PTCHD4: variants seen among roughly 807,000 people sequenced by gnomAD.
The protein encoded by PTCHD4 is patched domain containing 4.
Under a neutral mutation model 58.1 loss-of-function variants are expected in PTCHD4, and 33 were observed. That is an observed-to-expected ratio of 0.57 (90% confidence interval 0.43 to 0.76). The LOEUF (loss-of-function observed/expected upper bound fraction) is 0.76, where lower values mean the gene tolerates loss of function less well. Among genes scored for constraint, PTCHD4 ranks in the 30% least tolerant of loss-of-function variants. The probability of loss-of-function intolerance (pLI) is 0.00; values close to 1 mark genes in which losing one functional copy is unlikely to be tolerated. For synonymous variants in PTCHD4, 478 were observed against 409.6 expected (o/e 1.17, Z -2.02); for missense variants, 1,058 against 1,027.1 (o/e 1.03, Z -0.41).
intron 3 of PTCHD4, among the ~76,000 whole-genome samples, chr6:48,042,776 G>C (rs1230115659): frequency 6.6e-6 from 1 of 151,858 alleles, no homozygotes; most frequent in Non-Finnish European, 1.5e-5. Context: ...CAAAACATTA[G>C]GCAGACATCT....
At chr6:47,982,599 C>T (rs1012644957) in intron 4 of PTCHD4, among the ~76,000 whole-genome samples, 1 of 151,882 alleles carries the variant, frequency 6.6e-6, no homozygotes, top group African/African-American at 2.4e-5. Flanking sequence ...CGCCATTCTC[C>T]TGCCTCAGCC....
intron 1 of PTCHD4, among the ~76,000 whole-genome samples, chr6:48,090,633 G>C (rs1211390756): frequency 1.3e-5 from 2 of 152,156 alleles, no homozygotes; most frequent in Non-Finnish European, 2.9e-5. Context: ...GAAAACCAGG[G>C]TATAAAGGGC....
intron 4 of PTCHD4, among the ~76,000 whole-genome samples, chr6:47,887,610 G>T (rs1764233249): frequency 6.6e-6 from 1 of 152,158 alleles, no homozygotes; most frequent in African/African-American, 2.4e-5. Flanking sequence ...AATGGAATAT[G>T]AAATGAAATT....
At chr6:48,107,376 G>T (rs1260708663) in intron 1 of PTCHD4, among the ~76,000 whole-genome samples, 1 of 152,210 alleles carries the variant, frequency 6.6e-6, no homozygotes, top group Non-Finnish European at 1.5e-5. Flanking sequence ...AATAAATGCT[G>T]CTGGGAAAAC....
At chr6:48,043,890 T>G (rs938355705) in intron 3 of PTCHD4, among the ~76,000 whole-genome samples, 6 of 151,466 alleles carry the variant, frequency 4.0e-5, no homozygotes, top group African/African-American at 1.5e-4. Context: ...AAGCAGAGAG[T>G]TTTCAGGTTT....
At chr6:48,055,270 C>T (rs750816701) in intron 3 of PTCHD4, among the ~76,000 whole-genome samples, 1 of 152,090 alleles carries the variant, frequency 6.6e-6, no homozygotes, top group Non-Finnish European at 1.5e-5. Flanking sequence ...AAAAGACATG[C>T]AACCTATGAT....
intron 4 of PTCHD4, among the ~76,000 whole-genome samples, chr6:47,896,434 C>T (rs1581842881): frequency 6.6e-6 from 1 of 152,320 alleles, no homozygotes; most frequent in South Asian, 2.1e-4. Context: ...TGCCACATTG[C>T]TGTTTTCCAT....
rs1177187153 is a variant in PTCHD4, at chr6:47,878,640, G to A, written c.2195C>T (p.Thr732Ile). The change falls in exon 5 of 5, where the codon ACA (threonine) becomes ATA (isoleucine). Residue 732 changes from threonine to isoleucine, a missense_variant. Thr to Ile is a moderately conservative substitution (Grantham distance 89, BLOSUM62 -1). Transcript: ENST00000339488. ...AIDHCAPLLF[T>I]FVLATEHTRT... is the part of the protein sequence containing the mutation. The stretch of plus-strand genomic sequence containing the variant: ...GGTGTGCTCAGTTGCTAATACAAAT[G>A]TGAAAAGCAGTGGTGCACAGTGGTC... The A allele has an allele frequency of 5.6e-6, 9 of 1,613,476 alleles. No individual in the cohort carries two copies. Among genetic ancestry groups the A allele is most frequent in the Non-Finnish European group, 7.6e-6 (9 of 1,179,762 alleles).
intron 1 of PTCHD4, among the ~76,000 whole-genome samples, chr6:48,090,499 G>A (rs1765343625): frequency 6.6e-6 from 1 of 152,120 alleles, no homozygotes; most frequent in African/African-American, 2.4e-5. Context: ...GAATCATAGA[G>A]GTTATTCTGT....
In PTCHD4 at chr6:47,871,241, A is replaced by T. The variant is rs188323675; in HGVS notation, c.*7062T>A. Among the ~76,000 whole-genome samples, 58 of 151,786 alleles carry T rather than the reference A, an allele frequency of 3.8e-4. 1 individual carries two copies. Among genetic ancestry groups the T allele is most frequent in the Non-Finnish European group, 8.9e-5 (6 of 67,706 alleles). On this transcript the variant is annotated 3_prime_UTR_variant, in exon 5 of 5. Coordinates refer to ENST00000339488, the MANE Select transcript of PTCHD4 (RefSeq NM_001384253.1). ...TGTGTTTTAAAAACCCCGATTTAGC[A>T]GAAAATAATAGCAATGCCTTCCAGA...
At chr6:47,883,865 G>A (rs1398676982) in intron 4 of PTCHD4, among the ~76,000 whole-genome samples, 1 of 152,024 alleles carries the variant, frequency 6.6e-6, no homozygotes, top group Non-Finnish European at 1.5e-5. Context: ...AAAATTATTG[G>A]TTTAGTCAAA....
Position 47,874,967 on chromosome 6 carries a change from T to C in PTCHD4, c.*3336A>G, listed in dbSNP as rs1310210051. Among the ~76,000 whole-genome samples, 1 of 151,840 alleles carries C rather than the reference T, an allele frequency of 6.6e-6. No individual in the cohort carries two copies. Among genetic ancestry groups the C allele is most frequent in the Admixed American group, 6.6e-5 (1 of 15,204 alleles). On this transcript the variant is annotated 3_prime_UTR_variant, in exon 5 of 5. Transcript: ENST00000339488. ...CTCTGTAATTTAGGTGAGTACCTCT[T>C]TGAAGTTTATTAACATCAAAGAGAG... is the stretch of plus-strand genomic sequence containing the variant.
chr6:47,982,297 TC>T (rs553416903), intron 4 of PTCHD4, among the ~76,000 whole-genome samples: 141 of 152,210 alleles, frequency 9.3e-4, no homozygotes, highest in African/African-American at 3.3e-3. Flanking sequence ...AAGTCCCATC[TC>T]CCTTTGGATT....
chr6:47,930,446 T>A (rs949526096), intron 4 of PTCHD4, among the ~76,000 whole-genome samples: 5 of 152,222 alleles, frequency 3.3e-5, no homozygotes, highest in Admixed American at 6.5e-5. Flanking sequence ...AGGTTTCTTG[T>A]AGCAAAACCT....
In PTCHD4 at chr6:48,102,819, C is replaced by A. The variant is rs573846462; in HGVS notation, c.-970+8230G>T. Among the ~76,000 whole-genome samples, 198 of 152,350 alleles carry A rather than the reference C, an allele frequency of 1.3e-3. 3 individuals are homozygous for A. In the South Asian group the frequency reaches 0.038, roughly 29 times the overall value. On this transcript the variant is annotated intron_variant, in intron 1 of 4. Coordinates refer to ENST00000339488, the MANE Select transcript of PTCHD4 (RefSeq NM_001384253.1). The stretch of plus-strand genomic sequence containing the variant: ...CCAGGAGATTACATCCCGCACATGG[C>A]TCGGAGGGTCCTATGCCCACAGAGC...
At chr6:47,979,325 A>T (rs1767799326) in intron 4 of PTCHD4, among the ~76,000 whole-genome samples, 1 of 151,902 alleles carries the variant, frequency 6.6e-6, no homozygotes, top group Admixed American at 6.6e-5. Flanking sequence ...TTTATTGTAT[A>T]TAAATTTTAC....
At chr6:48,007,932 G>A (rs531543425) in intron 4 of PTCHD4, among the ~76,000 whole-genome samples, 2,736 of 41,784 alleles carry the variant, frequency 0.065, 37 homozygotes, top group Admixed American at 0.11. Context: ...ATATGTGCGC[G>A]CGCGCACACA....
intron 4 of PTCHD4, among the ~76,000 whole-genome samples, chr6:47,918,325 G>A (rs1765323705): frequency 6.6e-6 from 1 of 152,080 alleles, no homozygotes. Context: ...GATCCAACCT[G>A]AAATTGAGTT....
Position 48,072,011 on chromosome 6 carries a change from T to G in PTCHD4, c.-969-2085A>C, listed in dbSNP as rs1590524. 1.1e-3 allele frequency among the ~76,000 whole-genome samples: 164 copies of G among 152,332 alleles called. 2 individuals carry two copies. The East Asian group carries it at 0.028, about 26-fold the overall frequency. On this transcript the variant is annotated intron_variant, in intron 1 of 4. Transcript: ENST00000339488. Reference sequence around the variant, plus strand: ...CGAGGGTGCATTCTTTCAAAGTGACTTATCACTGTTGATGTGAACCTTGAT... The same window carrying G: ...CGAGGGTGCATTCTTTCAAAGTGACGTATCACTGTTGATGTGAACCTTGAT...
Sources: gnomAD v4.1 joint callset for allele counts (sites outside exome capture counted in the v4.1 genomes callset) on GRCh38, gnomAD v4.1.1 for gene constraint, MANE v1.5 for transcripts, NCBI Gene and HGNC (gene_info 2026-07-23, HGNC 2026-07-21) for gene names.